Variants in CNTN5 observed in about 807,000 individuals in gnomAD.
CNTN5 encodes the protein contactin-5.
A neutral mutation model predicts 129.1 loss-of-function variants in CNTN5; 77 were observed. The ratio of observed to expected loss-of-function variants is 0.60; its 90% CI spans 0.50 to 0.72. The LOEUF (loss-of-function observed/expected upper bound fraction) is 0.72. CNTN5 is among the 30% of genes least tolerant of loss of function. The pLI is 0.00. For missense variants in CNTN5, 1,478 were observed against 1,328.8 expected, an observed-to-expected ratio of 1.11 and a Z score of -1.75; for synonymous variants, 509 against 465.6, an observed-to-expected ratio of 1.09 and a Z score of -1.20.
chr11:99,896,996 G>C (rs1025857940), intron 6 of CNTN5, among the ~76,000 whole-genome samples: 1 of 152,066 alleles, frequency 6.6e-6, no homozygotes, highest in Non-Finnish European at 1.5e-5. Flanking sequence ...AGTGACCCGG[G>C]TACCAGCCCA....
In CNTN5 at chr11:99,590,260, A is replaced by G. The variant is rs1365529331; in HGVS notation, c.55+33991A>G. On this transcript the variant is annotated intron_variant, in intron 3 of 24. Coordinates refer to ENST00000524871, the MANE Select transcript of CNTN5 (RefSeq NM_014361.4). ...TCAAAAACTACCATTGATAATAATAAAAATAGATAAGAAGAGACTGCTGGA... is the reference window on the plus strand; with the variant it reads ...TCAAAAACTACCATTGATAATAATAGAAATAGATAAGAAGAGACTGCTGGA... 3.3e-5 allele frequency among the ~76,000 whole-genome samples: 5 copies of G among 152,354 alleles called. No homozygotes were observed. In the East Asian group the frequency reaches 9.6e-4, roughly 29 times the overall value.
chr11:99,723,489 A>T (rs1943239266), intron 3 of CNTN5, among the ~76,000 whole-genome samples: 1 of 152,116 alleles, frequency 6.6e-6, no homozygotes, highest in African/African-American at 2.4e-5. Flanking sequence ...TATTTCCCTG[A>T]TAAAATAGAA....
intron 13 of CNTN5, among the ~76,000 whole-genome samples, chr11:100,110,954 A>G (rs1317405177): frequency 6.6e-6 from 1 of 151,694 alleles, no homozygotes; most frequent in Non-Finnish European, 1.5e-5. Flanking sequence ...AATTAAAGAG[A>G]TTTCAAGTCC....
At chr11:99,841,269 A>G (rs538665598) in intron 4 of CNTN5, among the ~76,000 whole-genome samples, 1 of 152,282 alleles carries the variant, frequency 6.6e-6, no homozygotes, top group African/African-American at 2.4e-5. Context: ...ATATGTTCAG[A>G]TTAGTCCCTT....
chr11:99,773,968 C>A (rs568780543), intron 3 of CNTN5, among the ~76,000 whole-genome samples: 1 of 152,066 alleles, frequency 6.6e-6, no homozygotes, highest in African/African-American at 2.4e-5. Context: ...CTGCTGAATA[C>A]AATTTTCACC....
At chr11:99,800,105 A>C (rs562957274) in intron 3 of CNTN5, among the ~76,000 whole-genome samples, 1 of 151,936 alleles carries the variant, frequency 6.6e-6, no homozygotes, top group Non-Finnish European at 1.5e-5. Context: ...ATTTAGTGTA[A>C]TAAACTTTGT....
At chr11:100,265,848 A>C (rs1242146870) in intron 17 of CNTN5, among the ~76,000 whole-genome samples, 1 of 152,136 alleles carries the variant, frequency 6.6e-6, no homozygotes, top group Non-Finnish European at 1.5e-5. Flanking sequence ...ACTCAAGCAA[A>C]TGGCTTTTGA....
At chr11:99,796,214 G>GGGTT (rs1565542566) in intron 3 of CNTN5, among the ~76,000 whole-genome samples, 2 of 152,182 alleles carry the variant, frequency 1.3e-5, no homozygotes, top group Non-Finnish European at 2.9e-5. Flanking sequence ...TGGCAGTGCA[G>GGGTT]GGTTGGGGAC....
chr11:99,119,085 G>C (rs1591222746), intron 1 of CNTN5, among the ~76,000 whole-genome samples: 1 of 152,006 alleles, frequency 6.6e-6, no homozygotes, highest in Admixed American at 6.6e-5. Context: ...ATTAGTTCAA[G>C]TTTTTCTAAT....
At chr11:99,246,110 T>C (rs955763656) in intron 1 of CNTN5, among the ~76,000 whole-genome samples, 3 of 152,190 alleles carry the variant, frequency 2.0e-5, no homozygotes, top group African/African-American at 7.2e-5. Flanking sequence ...TAAATATTAA[T>C]TTACTTTATT....
intron 2 of CNTN5, among the ~76,000 whole-genome samples, chr11:99,474,623 G>C (rs1368140241): frequency 2.6e-5 from 4 of 151,890 alleles, no homozygotes; most frequent in Non-Finnish European, 5.9e-5. Context: ...TTACCCAAAA[G>C]GTGTCTCTAT....
chr11:99,173,597 C>T (rs1857631592), intron 1 of CNTN5, among the ~76,000 whole-genome samples: 1 of 152,094 alleles, frequency 6.6e-6, no homozygotes, highest in African/African-American at 2.4e-5. Flanking sequence ...AGTTATCTGT[C>T]ATATTTGTCA....
chr11:99,334,815 T>A (rs989698808), intron 2 of CNTN5, among the ~76,000 whole-genome samples: 2 of 101,588 alleles, frequency 2.0e-5, no homozygotes, highest in Non-Finnish European at 3.9e-5. Context: ...ACAAAATATA[T>A]TTTTTAAAAT....
At chr11:100,278,752 A>G (rs903458154) in intron 18 of CNTN5, among the ~76,000 whole-genome samples, 1 of 152,038 alleles carries the variant, frequency 6.6e-6, no homozygotes, top group Non-Finnish European at 1.5e-5. Context: ...ATCTGCAAAC[A>G]AGAAAAAGTT....
intron 9 of CNTN5, among the ~76,000 whole-genome samples, chr11:100,046,629 T>A: frequency 6.6e-6 from 1 of 152,176 alleles, no homozygotes; most frequent in South Asian, 2.1e-4. Flanking sequence ...ATCTAATGTG[T>A]ATACATATAA....
intron 1 of CNTN5, among the ~76,000 whole-genome samples, chr11:99,141,671 C>T (rs1591265344): frequency 2.0e-5 from 3 of 152,008 alleles, no homozygotes; most frequent in East Asian, 1.9e-4. Context: ...TTTCCTGTGT[C>T]GCAGAGTTTC....
At chr11:99,441,530 T>C (rs1193348970) in intron 2 of CNTN5, among the ~76,000 whole-genome samples, 1 of 152,126 alleles carries the variant, frequency 6.6e-6, no homozygotes, top group Non-Finnish European at 1.5e-5. Context: ...TTTCCTCCAA[T>C]GTGAAACTGC....
intron 2 of CNTN5, among the ~76,000 whole-genome samples, chr11:99,384,519 C>T (rs1163246993): frequency 6.6e-6 from 1 of 152,100 alleles, no homozygotes; most frequent in Non-Finnish European, 1.5e-5. Context: ...AGACATATTC[C>T]AGGAAATTTT....
intron 21 of CNTN5, among the ~76,000 whole-genome samples, chr11:100,330,130 T>TA (rs1311447321): frequency 2.0e-5 from 3 of 152,024 alleles, no homozygotes; most frequent in Admixed American, 6.6e-5. Context: ...AGCACAAATT[T>TA]AAAAAAATCA....
Sources: allele counts gnomAD v4.1 joint callset (sites outside exome capture counted in the v4.1 genomes callset), GRCh38; gene constraint gnomAD v4.1.1; transcripts MANE v1.5; gene names NCBI Gene and HGNC (gene_info 2026-07-23, HGNC 2026-07-21).